Variants in ROBO2 observed in about 807,000 individuals in gnomAD.
ROBO2 encodes the protein roundabout homolog 2.
A neutral mutation model predicts 160.8 loss-of-function variants in ROBO2; 53 were observed. The observed-to-expected ratio is 0.33, with a 90% CI of 0.26 to 0.41. The LOEUF (loss-of-function observed/expected upper bound fraction) is 0.41. Ranked by LOEUF, ROBO2 falls within the 10% of genes least tolerant of loss-of-function variation. The probability of loss-of-function intolerance (pLI) is 1.00; values close to 1 mark genes in which losing one functional copy is unlikely to be tolerated. For synonymous variants in ROBO2, 664 were observed against 611.7 expected (o/e 1.09, Z -1.26); for missense variants, 1,577 against 1,722.4 (o/e 0.92, Z 1.49).
intron 6 of ROBO2, among the ~76,000 whole-genome samples, chr3:77,540,007 A>G (rs1479719382): frequency 1.3e-5 from 2 of 152,208 alleles, no homozygotes; most frequent in Non-Finnish European, 2.9e-5. Context: ...GAGTGTCAGG[A>G]TTGGAAAATC....
intron 2 of ROBO2, among the ~76,000 whole-genome samples, chr3:76,070,568 G>T (rs903612526): frequency 6.6e-6 from 1 of 152,082 alleles, no homozygotes; most frequent in East Asian, 1.9e-4. Flanking sequence ...ATCTCACCCT[G>T]CCTCCATTTG....
intron 2 of ROBO2, among the ~76,000 whole-genome samples, chr3:76,358,858 G>A (rs1003509210): frequency 6.6e-6 from 1 of 151,182 alleles, no homozygotes; most frequent in African/African-American, 2.4e-5. Flanking sequence ...TGCCATGCTG[G>A]TGTGCTGCAC....
At chr3:76,534,809 G>A (rs1411292094) in intron 2 of ROBO2, among the ~76,000 whole-genome samples, 2 of 152,082 alleles carry the variant, frequency 1.3e-5, no homozygotes, top group Non-Finnish European at 1.5e-5. Context: ...AAAGCAAGGA[G>A]TCCTGAGAGA....
chr3:76,831,301 A>C (rs2067074244), intron 2 of ROBO2, among the ~76,000 whole-genome samples: 1 of 152,164 alleles, frequency 6.6e-6, no homozygotes, highest in African/African-American at 2.4e-5. Flanking sequence ...CAAATCAAAA[A>C]TATGCGATTT....
intron 8 of ROBO2, among the ~76,000 whole-genome samples, chr3:77,555,539 C>A (rs10514734): frequency 6.6e-6 from 1 of 151,470 alleles, no homozygotes; most frequent in Non-Finnish European, 1.5e-5. Flanking sequence ...TAAAAGACTT[C>A]CGCATTAGTT....
At chr3:76,274,279 A>G (rs921653613) in intron 2 of ROBO2, among the ~76,000 whole-genome samples, 1 of 152,246 alleles carries the variant, frequency 6.6e-6, no homozygotes, top group African/African-American at 2.4e-5. Flanking sequence ...ATTTTCACCA[A>G]CATGGCACAT....
chr3:76,198,578 C>G (rs1423972487), intron 2 of ROBO2, among the ~76,000 whole-genome samples: 2 of 152,148 alleles, frequency 1.3e-5, no homozygotes, highest in Non-Finnish European at 2.9e-5. Flanking sequence ...ATCCTCTTCC[C>G]TTACCAGGTC....
chr3:77,562,765 G>T, intron 10 of ROBO2, 33 bp downstream of exon 11: 1 of 1,478,342 alleles, frequency 6.8e-7, no homozygotes, highest in South Asian at 1.1e-5. Flanking sequence ...GAAATCTTGG[G>T]CCCCTTTTCT....
At chr3:76,996,245 A>G (rs947361533) in intron 2 of ROBO2, among the ~76,000 whole-genome samples, 7 of 152,146 alleles carry the variant, frequency 4.6e-5, no homozygotes, top group Non-Finnish European at 7.4e-5. Flanking sequence ...CAGGTGTGTC[A>G]AAGATCAGAT....
At chr3:76,716,522 G>T (rs986429509) in intron 2 of ROBO2, among the ~76,000 whole-genome samples, 1 of 152,208 alleles carries the variant, frequency 6.6e-6, no homozygotes, top group Non-Finnish European at 1.5e-5. Context: ...GAAGAAAACT[G>T]CAGTGTAGAT....
chr3:77,120,509 G>A (rs2074644508), intron 2 of ROBO2, among the ~76,000 whole-genome samples: 1 of 152,094 alleles, frequency 6.6e-6, no homozygotes, highest in Admixed American at 6.5e-5. Flanking sequence ...TTTAAATGTG[G>A]AGTAGCTGCA....
rs550660123 is a variant in ROBO2, at chr3:76,641,064, C to T, written c.110-456950C>T. ...TAATCAATACATATAGAAGAACTGA[C>T]GAAAATTCAAAATCACCATTGGACA... On this transcript the variant is annotated intron_variant, in intron 2 of 26. Transcript: ENST00000487694. Among the ~76,000 whole-genome samples the T allele has an allele frequency of 9.3e-4, 142 of 152,202 alleles. 3 individuals carry two copies. Among genetic ancestry groups the T allele is most frequent in the Non-Finnish European group, 3.5e-4 (24 of 68,012 alleles).
chr3:76,076,490 A>C (rs532401157), intron 2 of ROBO2, among the ~76,000 whole-genome samples: 2 of 152,218 alleles, frequency 1.3e-5, no homozygotes, highest in African/African-American at 4.8e-5. Context: ...CATTATTTTT[A>C]TAGAGGGTGG....
chr3:76,131,543 T>G (rs2071221809), intron 2 of ROBO2, among the ~76,000 whole-genome samples: 1 of 152,044 alleles, frequency 6.6e-6, no homozygotes, highest in Non-Finnish European at 1.5e-5. Flanking sequence ...CGGTAGGTGG[T>G]GAGGGAGTAG....
intron 2 of ROBO2, among the ~76,000 whole-genome samples, chr3:76,680,358 TAA>T (rs3066796): frequency 0.019 from 2,746 of 143,576 alleles, 84 homozygotes; most frequent in African/African-American, 0.061. Flanking sequence ...ATGGATATAT[TAA>T]AAAAAAAAAA....
chr3:77,250,622 A>G (rs778114664), intron 2 of ROBO2, among the ~76,000 whole-genome samples: 4 of 152,234 alleles, frequency 2.6e-5, no homozygotes, highest in Non-Finnish European at 5.9e-5. Flanking sequence ...GTTTTGCTAA[A>G]GCAGAATACC....
chr3:77,060,519 A>G (rs545435200), intron 1 of ROBO2, among the ~76,000 whole-genome samples: 65 of 152,338 alleles, frequency 4.3e-4, no homozygotes, highest in Non-Finnish European at 7.9e-4. Context: ...ACAGCTAGCC[A>G]TTGAAGGAGT....
chr3:77,472,108 TGA>T (rs141138831), intron 2 of ROBO2, among the ~76,000 whole-genome samples: 17 of 149,352 alleles, frequency 1.1e-4, no homozygotes, highest in Admixed American at 1.3e-4. Flanking sequence ...TAAGCCACAA[TGA>T]GAGAGAGAGA....
At chr3:77,173,561 G>A (rs545265155) in intron 2 of ROBO2, among the ~76,000 whole-genome samples, 1 of 151,996 alleles carries the variant, frequency 6.6e-6, no homozygotes, top group African/African-American at 2.4e-5. Context: ...TGTGGTCCTG[G>A]GGAAGTAACT....
Sources: allele counts gnomAD v4.1 joint callset (sites outside exome capture counted in the v4.1 genomes callset), GRCh38; gene constraint gnomAD v4.1.1; transcripts MANE v1.5; gene names NCBI Gene and HGNC (gene_info 2026-07-23, HGNC 2026-07-21).